DMD: variants seen among roughly 807,000 people sequenced by gnomAD.
DMD encodes the protein dystrophin, also known as mutant dystrophin.
A neutral mutation model predicts 330.1 loss-of-function variants in DMD; 63 were observed. The ratio of observed to expected loss-of-function variants is 0.19; its 90% CI spans 0.16 to 0.24. The LOEUF (loss-of-function observed/expected upper bound fraction) is 0.24. Ranked by LOEUF, DMD falls within the 10% of genes least tolerant of loss-of-function variation. The probability of loss-of-function intolerance (pLI) is 1.00; values close to 1 mark genes in which losing one functional copy is unlikely to be tolerated. For synonymous variants in DMD, 1,223 were observed against 959.8 expected (o/e 1.27, Z -5.07); for missense variants, 3,344 against 2,684.1 (o/e 1.25, Z -5.43).
At chrX:31,392,802 G>T (rs1361716387) in intron 60 of DMD, among the ~76,000 whole-genome samples, 2 of 112,015 alleles carry the variant, frequency 1.8e-5, no homozygotes, top group Non-Finnish European at 3.8e-5. Flanking sequence ...TCTCTCTGAG[G>T]CATCACAAAA....
chrX:31,442,304 A>G (rs1269612072), intron 60 of DMD, among the ~76,000 whole-genome samples: 1 of 111,591 alleles, frequency 9.0e-6, no homozygotes, highest in Non-Finnish European at 1.9e-5. Context: ...GAGAGGTTAA[A>G]TGGCTTTCTC....
chrX:33,202,731 T>C lies in DMD; in HGVS notation c.31+8551A>G, dbSNP rs932187253. ...AATGAGAATGTCCATAATCACACTA[T>C]TCATAAGTAATCATTTATGATTGAT... is the stretch of plus-strand genomic sequence containing the variant. On this transcript the variant is annotated intron_variant, in intron 1 of 78. Coordinates refer to ENST00000357033, the MANE Select transcript of DMD (RefSeq NM_004006.3). Among the ~76,000 whole-genome samples, 5 of 111,913 alleles carry C rather than the reference T, an allele frequency of 4.5e-5. No homozygotes were observed. The Admixed American group carries it at 4.8e-4, about 11-fold the overall frequency.
chrX:32,718,314 T>C lies in DMD; in HGVS notation c.650-19021A>G, dbSNP rs757693718. Among the ~76,000 whole-genome samples the C allele has an allele frequency of 6.3e-5, 7 of 110,947 alleles. No individual in the cohort carries two copies. The South Asian group carries it at 2.7e-3, about 43-fold the overall frequency. On this transcript the variant is annotated intron_variant, in intron 7 of 78. Coordinates refer to ENST00000357033, the MANE Select transcript of DMD (RefSeq NM_004006.3). Reference sequence around the variant, plus strand: ...TTCCAATGATAGTGAGTTCTCATGATATCTGGTTGTGTGAAAGCGTGTAGC... The same window carrying C: ...TTCCAATGATAGTGAGTTCTCATGACATCTGGTTGTGTGAAAGCGTGTAGC...
At chrX:32,391,720 T>C (rs1053542233) in intron 30 of DMD, among the ~76,000 whole-genome samples, 1 of 111,929 alleles carries the variant, frequency 8.9e-6, no homozygotes, top group Non-Finnish European at 1.9e-5. Context: ...ACGTTATTTA[T>C]AGAGCAAGAA....
chrX:33,267,984 G>C, intron 1 of DMD, among the ~76,000 whole-genome samples: 1 of 103,720 alleles, frequency 9.6e-6, no homozygotes, highest in Non-Finnish European at 1.9e-5. Flanking sequence ...CTTGACATTG[G>C]CATTGGCAAT....
At chrX:32,253,063 A>T (rs1479608265) in intron 43 of DMD, among the ~76,000 whole-genome samples, 2 of 102,982 alleles carry the variant, frequency 1.9e-5, no homozygotes, top group African/African-American at 7.1e-5. Context: ...AGTGAGGGAA[A>T]ACAGTTTTAT....
intron 1 of DMD, among the ~76,000 whole-genome samples, chrX:33,276,325 C>A (rs2053234803): frequency 9.0e-6 from 1 of 110,635 alleles, no homozygotes; most frequent in Non-Finnish European, 1.9e-5. Context: ...TTAATTATTT[C>A]ATTTTTTAAT....
rs746356740 is a variant in DMD, at chrX:31,142,130, C to T, written c.10921+4161G>A. The stretch of plus-strand genomic sequence containing the variant: ...ATCACTGATCCTGAATGTAAAATAT[C>T]GCTATGAAGAATATTAATTGGCAGA... On this transcript the variant is annotated intron_variant, in intron 76 of 78. Transcript: ENST00000357033. Among the ~76,000 whole-genome samples the T allele has an allele frequency of 1.2e-4, 13 of 111,881 alleles. No homozygotes were observed. In the East Asian group the frequency reaches 2.8e-3, roughly 24 times the overall value.
At chrX:33,228,141 A>C (rs2052323086) in intron 1 of DMD, among the ~76,000 whole-genome samples, 1 of 111,358 alleles carries the variant, frequency 9.0e-6, no homozygotes, top group Admixed American at 9.6e-5. Context: ...TAAACAACCT[A>C]AAGCATTTAT....
chrX:32,140,685 A>G (rs1939379379), intron 44 of DMD, among the ~76,000 whole-genome samples: 2 of 111,649 alleles, frequency 1.8e-5, no homozygotes, highest in South Asian at 7.5e-4. Context: ...GGGAGGTGAA[A>G]GGCACTTCTT....
intron 7 of DMD, among the ~76,000 whole-genome samples, chrX:32,702,633 T>A (rs1382058557): frequency 9.0e-6 from 1 of 111,491 alleles, no homozygotes; most frequent in Non-Finnish European, 1.9e-5. Context: ...GTAAATTCTT[T>A]AAGTACAGAA....
chrX:31,857,380 G>GAAAAAAAAAAAAAAAAAAA, intron 48 of DMD, among the ~76,000 whole-genome samples: 1 of 36,786 alleles, frequency 2.7e-5, no homozygotes, highest in Non-Finnish European at 4.6e-5. Context: ...CTCCACCTCG[G>GAAAAAAAAAAAAAAAAAAA]AAAAAAAAAA....
chrX:33,166,455 A>G (rs1204886653), intron 1 of DMD, among the ~76,000 whole-genome samples: 2 of 111,596 alleles, frequency 1.8e-5, no homozygotes, highest in African/African-American at 6.5e-5. Context: ...ATAATTTTCT[A>G]CATACGGATG....
chrX:33,008,363 G>C (rs2093438387), intron 2 of DMD, among the ~76,000 whole-genome samples: 1 of 110,339 alleles, frequency 9.1e-6, no homozygotes, highest in African/African-American at 3.3e-5. Flanking sequence ...TTGTGTTCTG[G>C]CTACCATGAT....
intron 49 of DMD, among the ~76,000 whole-genome samples, chrX:31,822,654 GTGT>G (rs1164710458): frequency 9.0e-4 from 8 of 8,853 alleles, no homozygotes; most frequent in African/African-American, 1.5e-3. Context: ...AGGCAGAGGG[GTGT>G]GTGTGTGTGT....
intron 37 of DMD, among the ~76,000 whole-genome samples, chrX:32,358,645 T>C (rs2097817303): frequency 8.9e-6 from 1 of 111,838 alleles, no homozygotes; most frequent in African/African-American, 3.3e-5. Context: ...AACTCCTTAG[T>C]AGTTCTTAAA....
At chrX:31,248,006 C>T (rs1038779042) in intron 63 of DMD, among the ~76,000 whole-genome samples, 1 of 111,800 alleles carries the variant, frequency 8.9e-6, no homozygotes, top group African/African-American at 3.3e-5. Flanking sequence ...ATTGCCACAG[C>T]CACCCCAACC....
chrX:32,955,446 C>T (rs1432386284), intron 2 of DMD, among the ~76,000 whole-genome samples: 4 of 110,159 alleles, frequency 3.6e-5, no homozygotes, highest in African/African-American at 1.3e-4. Context: ...AGACCTTTGT[C>T]GGATGCATAG....
intron 1 of DMD, among the ~76,000 whole-genome samples, chrX:33,131,305 A>C (rs369861867): frequency 4.5e-5 from 5 of 111,254 alleles, no homozygotes; most frequent in African/African-American, 1.6e-4. Flanking sequence ...TTCTTTAAGA[A>C]AAAAACCCAG....
Sources: gnomAD v4.1 joint callset for allele counts (sites outside exome capture counted in the v4.1 genomes callset) on GRCh38, gnomAD v4.1.1 for gene constraint, MANE v1.5 for transcripts, NCBI Gene and HGNC (gene_info 2026-07-23, HGNC 2026-07-21) for gene names.